Variants in ACSF3 observed in about 807,000 individuals in gnomAD.
The protein encoded by ACSF3 is malonate--CoA ligase ACSF3, mitochondrial.
In ACSF3, 78 loss-of-function variants were observed where a neutral mutation model predicts 53.2. That is an observed-to-expected ratio of 1.47 (90% CI 1.22 to 1.77). The LOEUF (loss-of-function observed/expected upper bound fraction) is 1.77. Among genes scored for constraint, ACSF3 ranks in the 40% most tolerant of loss-of-function variants. The pLI, the probability that ACSF3 is intolerant of heterozygous loss-of-function variation, is 0.00. For missense variants in ACSF3, 937 were observed against 771.1 expected, an observed-to-expected ratio of 1.22 and a Z score of -2.55; for synonymous variants, 414 against 333.1, an observed-to-expected ratio of 1.24 and a Z score of -2.65.
At chr16:89,101,383 C>T (rs1394462290) in intron 3 of ACSF3, 36 bp downstream of exon 3, 2 of 1,554,844 alleles carry the variant, frequency 1.3e-6, no homozygotes, top group South Asian at 2.4e-5. Flanking sequence ...GTTTCGGTGA[C>T]CGCACAGCAC....
chr16:89,144,186 C>T (rs749061093), intron 8 of ACSF3, among the ~76,000 whole-genome samples: 2 of 152,260 alleles, frequency 1.3e-5, no homozygotes, highest in African/African-American at 2.4e-5. Flanking sequence ...GCAGCCCGCT[C>T]TTCCCGACTC....
chr16:89,154,898 C>G lies in ACSF3; in HGVS notation c.*691C>G, dbSNP rs1191103748. ...TCTGCCGTGACCCTGCCTCACCCCC[C>G]AGCGCAGGGACTTTCCAGGTCATCT... On this transcript the variant is annotated 3_prime_UTR_variant, in exon 11 of 11. Transcript: ENST00000614302. 2.2e-6 allele frequency: 1 copy of G among 453,996 alleles called. No homozygotes were observed. Among genetic ancestry groups the G allele is most frequent in the Admixed American group, 2.3e-5 (1 of 42,560 alleles). The allele number at this position is 453,996 out of a possible 1,614,324, so 28.1% of individuals were successfully genotyped here.
Position 89,154,154 on chromosome 16 carries a change from C to T in ACSF3, c.1678C>T (p.Gln560Ter). The change falls in exon 11 of 11, where the codon CAG becomes TAG. Residue 560 changes from glutamine to a stop codon, truncating the protein, a stop_gained. Coordinates refer to ENST00000614302, the MANE Select transcript of ACSF3 (RefSeq NM_001243279.3). LOFTEE classifies it high-confidence loss of function. Reference protein sequence around the residue: ...LVLVEEIPRNQMGKIDKKALI... With the variant: ...LVLVEEIPRN The stretch of plus-strand genomic sequence containing the variant: ...GCTGGTGGAGGAGATCCCGCGGAAC[C>T]AGATGGGCAAGATTGACAAGAAGGC... 1 of 1,613,594 alleles carries T rather than the reference C, an allele frequency of 6.2e-7. No individual in the cohort carries two copies. The highest frequency in any genetic ancestry group is 1.1e-5 in the South Asian group (1 of 90,906).
intron 8 of ACSF3, 54 bp from the exon 9 acceptor site, chr16:89,145,213 G>A (rs1489366344): frequency 6.2e-7 from 1 of 1,613,698 alleles, no homozygotes; most frequent in South Asian, 1.1e-5. Flanking sequence ...CTTTTCCTCA[G>A]GGGACACCGT....
Position 89,145,401 on chromosome 16 carries a change from G to A in ACSF3, c.1501G>A (p.Asp501Asn), listed in dbSNP as rs1044256300. The change falls in exon 9 of 11, where the codon GAT becomes AAT. Residue 501 changes from aspartate to asparagine, a missense_variant and splice_region_variant. Asp to Asn is a conservative substitution (Grantham distance 23). Coordinates refer to ENST00000614302, the MANE Select transcript of ACSF3 (RefSeq NM_001243279.3). Reference protein sequence around the residue: ...WHLLAHPSITDVAVIGVPDMT... With the variant: ...WHLLAHPSITNVAVIGVPDMT... ...CCTGCTGGCCCACCCCAGCATCACA[G>A]GTGCGTGGCCGGACTTGGGCCAGGG... The A allele has an allele frequency of 1.2e-6, 2 of 1,613,942 alleles. No homozygotes were observed. Among genetic ancestry groups the A allele is most frequent in the African/African-American group, 2.7e-5 (2 of 74,946 alleles).
Position 89,155,373 on chromosome 16 carries a change from C to T in ACSF3, c.*1166C>T. The T allele has an allele frequency of 2.2e-6, 1 of 451,750 alleles. No individual in the cohort carries two copies. Among genetic ancestry groups the T allele is most frequent in the Non-Finnish European group, 4.4e-6 (1 of 224,776 alleles). 28.0% of individuals were successfully genotyped at this position (451,750 alleles called of 1,614,324 possible). ...GGCTCACGTGCCTCTGACAGGAGACCAGCCCCATCTCAGGCTCACATGCCT... is the reference window on the plus strand; with the variant it reads ...GGCTCACGTGCCTCTGACAGGAGACTAGCCCCATCTCAGGCTCACATGCCT... On this transcript the variant is annotated 3_prime_UTR_variant, in exon 11 of 11. Coordinates refer to ENST00000614302, the MANE Select transcript of ACSF3 (RefSeq NM_001243279.3).
intron 7 of ACSF3, among the ~76,000 whole-genome samples, chr16:89,131,955 C>A (rs1318788156): frequency 2.0e-5 from 3 of 151,702 alleles, no homozygotes; most frequent in Admixed American, 6.6e-5. Context: ...CCTGGAGGAG[C>A]CCAGGCTGGC....
At chr16:89,151,507 C>T (rs1914076689) in intron 10 of ACSF3, 1 of 271,734 alleles carries the variant, frequency 3.7e-6, no homozygotes, top group Non-Finnish European at 7.2e-6. Context: ...AAATTAAATC[C>T]AGTTAATGCA....
Position 89,114,367 on chromosome 16 carries a change from C to A in ACSF3, c.1006C>A (p.Pro336Thr), listed in dbSNP as rs1403056607. ...RLMVSGSAAL[P>T]LPVLEKWKNI... ...GATGGTCTCAGGCTCAGCTGCCCTG[C>A]CCCTCCCAGTGCTGGAGAAGTGGAA... Residue 336 changes from proline to threonine, a missense_variant, in exon 6 of 11, where the codon CCC becomes ACC. Transcript: ENST00000614302. 9 of 1,613,978 alleles carry A rather than the reference C, an allele frequency of 5.6e-6. No individual in the cohort carries two copies. Among genetic ancestry groups the A allele is most frequent in the Non-Finnish European group, 7.6e-6 (9 of 1,180,048 alleles).
At chr16:89,153,992 A>T in intron 10 of ACSF3, 98 bp from the exon 11 acceptor site, 1 of 1,284,118 alleles carries the variant, frequency 7.8e-7, no homozygotes, top group Non-Finnish European at 1.1e-6. Context: ...GCAAGGCTGC[A>T]GGGTCCCAGG....
intron 4 of ACSF3, among the ~76,000 whole-genome samples, chr16:89,108,271 C>T (rs1483346029): frequency 6.6e-6 from 1 of 152,192 alleles, no homozygotes; most frequent in Non-Finnish European, 1.5e-5. Context: ...CACATGTCTC[C>T]TCTTCTGGTG....
Position 89,101,172 on chromosome 16 carries a change from G to C in ACSF3, c.491G>C (p.Gly164Ala). 1 of 1,612,054 alleles carries C rather than the reference G, an allele frequency of 6.2e-7. No individual in the cohort carries two copies. The highest frequency in any genetic ancestry group is 2.2e-5 in the East Asian group (1 of 44,808). The change falls in exon 3 of 11, where the codon GGG (glycine) becomes GCG (alanine). Residue 164 changes from glycine (G) to alanine (A), a missense_variant. Physicochemically the swap from Gly to Ala is moderately conservative, Grantham distance 60. Transcript: ENST00000614302. ...ELLSPVVRKL[G>A]VPLLPLTPAI... Reference sequence around the variant, plus strand: ...CTGAGCCCGGTGGTCAGGAAGCTGGGGGTCCCGCTGCTGCCGCTCACACCA... The same window carrying C: ...CTGAGCCCGGTGGTCAGGAAGCTGGCGGTCCCGCTGCTGCCGCTCACACCA...
chr16:89,104,463 C>G (rs1975731636), intron 4 of ACSF3, among the ~76,000 whole-genome samples: 1 of 152,240 alleles, frequency 6.6e-6, no homozygotes, highest in African/African-American at 2.4e-5. Context: ...CTTGCCAGGA[C>G]TCTTCCTGTC....
chr16:89,122,331 G>T (rs758839656), intron 7 of ACSF3: 52 of 375,838 alleles, frequency 1.4e-4, no homozygotes, highest in Non-Finnish European at 2.2e-5. Flanking sequence ...AACCCACCTG[G>T]GTGGCTGCCC....
In ACSF3 at chr16:89,109,065, T is replaced by G. The variant is rs1027020452; in HGVS notation, c.823-3027T>G. 2.6e-5 allele frequency among the ~76,000 whole-genome samples: 4 copies of G among 151,992 alleles called. 1 individual carries two copies. Among genetic ancestry groups the G allele is most frequent in the Admixed American group, 2.0e-4 (3 of 15,266 alleles). ...CTGACCAACAGGGTGAAACCCTGTCTATACTAAAAATACAAAATTAGCCAG... is the reference window on the plus strand; with the variant it reads ...CTGACCAACAGGGTGAAACCCTGTCGATACTAAAAATACAAAATTAGCCAG... On this transcript the variant is annotated intron_variant, in intron 4 of 10. Transcript: ENST00000614302.
intron 10 of ACSF3, chr16:89,149,571 G>T (rs1172586213): frequency 6.6e-6 from 1 of 152,248 alleles, no homozygotes; most frequent in Non-Finnish European, 1.5e-5. Context: ...CCAAGTTCTT[G>T]TCCCGCGTCC....
intron 7 of ACSF3, among the ~76,000 whole-genome samples, chr16:89,127,443 G>C (rs185412973): frequency 1.3e-5 from 2 of 152,174 alleles, no homozygotes; most frequent in Admixed American, 1.3e-4. Flanking sequence ...TAGCTCACTG[G>C]AGCCTTGAAC....
At chr16:89,140,436 G>GCTTGGGCGGGGTC (rs926914732) in intron 8 of ACSF3, among the ~76,000 whole-genome samples, 3 of 152,240 alleles carry the variant, frequency 2.0e-5, no homozygotes, top group African/African-American at 7.2e-5. Context: ...CAGGGCATCG[G>GCTTGGGCGGGGTC]CTTGGGCGGG....
intron 8 of ACSF3, among the ~76,000 whole-genome samples, chr16:89,144,553 T>C (rs1912521593): frequency 1.3e-5 from 2 of 152,232 alleles, no homozygotes; most frequent in African/African-American, 4.8e-5. Context: ...GATGTTGTAA[T>C]GTGTCTGGTT....
Sources: gnomAD v4.1 joint callset for allele counts (sites outside exome capture counted in the v4.1 genomes callset) on GRCh38, gnomAD v4.1.1 for gene constraint, MANE v1.5 for transcripts, NCBI Gene and HGNC (gene_info 2026-07-23, HGNC 2026-07-21) for gene names.